The following ESRRG variants were observed in gnomAD, a reference collection of about 807,000 sequenced individuals.
ESRRG encodes estrogen related receptor gamma.
A neutral mutation model predicts 44.0 loss-of-function variants in ESRRG; 13 were observed. The observed-to-expected ratio is 0.30, with a 90% CI of 0.19 to 0.47. ESRRG has a LOEUF of 0.47. Among genes scored for constraint, ESRRG ranks in the 20% least tolerant of loss-of-function variants. The pLI, the probability that ESRRG is intolerant of heterozygous loss-of-function variation, is 1.00. For synonymous variants in ESRRG, 215 were observed against 214.6 expected (o/e 1.00, Z -0.02); for missense variants, 395 against 580.6 (o/e 0.68, Z 3.29).
intron 1 of ESRRG, among the ~76,000 whole-genome samples, chr1:216,977,916 T>A (rs2150358984): frequency 6.6e-6 from 1 of 152,258 alleles, no homozygotes; most frequent in East Asian, 1.9e-4. Context: ...TTTGGTCCAA[T>A]TTCCCCTTGC....
At chr1:216,919,404 C>A (rs1027459840) in intron 2 of ESRRG, among the ~76,000 whole-genome samples, 1 of 152,112 alleles carries the variant, frequency 6.6e-6, no homozygotes, top group African/African-American at 2.4e-5. Context: ...TGAGAAACAT[C>A]ATATTTCAAA....
intron 3 of ESRRG, among the ~76,000 whole-genome samples, chr1:216,634,520 C>T (rs566667461): frequency 9.9e-5 from 15 of 152,130 alleles, no homozygotes; most frequent in African/African-American, 3.4e-4. Context: ...AGAGAAAAAA[C>T]TCAAACAATT....
At chr1:216,850,836 C>T (rs11117703) in intron 2 of ESRRG, among the ~76,000 whole-genome samples, 5,092 of 151,632 alleles carry the variant, frequency 0.034, 300 homozygotes, top group African/African-American at 0.11. Flanking sequence ...CAAGAATGAA[C>T]GGGACAAAAG....
chr1:217,120,308 T>C (rs1580626424), intron 1 of ESRRG, among the ~76,000 whole-genome samples: 1 of 152,282 alleles, frequency 6.6e-6, no homozygotes, highest in East Asian at 1.9e-4. Flanking sequence ...AAATATTTTA[T>C]TTCATACCTA....
chr1:216,753,321 A>G (rs1435632946), intron 2 of ESRRG, among the ~76,000 whole-genome samples: 2 of 152,210 alleles, frequency 1.3e-5, no homozygotes, highest in Non-Finnish European at 2.9e-5. Context: ...TGACAATTCA[A>G]TTGGATGCTT....
At chr1:216,649,044 T>C (rs1487266398) in intron 3 of ESRRG, among the ~76,000 whole-genome samples, 4 of 152,146 alleles carry the variant, frequency 2.6e-5, no homozygotes, top group Non-Finnish European at 4.4e-5. Context: ...AGAGCTCCAC[T>C]TCACAAACGT....
chr1:216,849,856 C>T (rs2095815008), intron 2 of ESRRG, among the ~76,000 whole-genome samples: 1 of 152,078 alleles, frequency 6.6e-6, no homozygotes. Flanking sequence ...CAGACCATGT[C>T]TTGGGTTAAA....
chr1:216,905,180 C>T (rs2059549483), intron 2 of ESRRG, among the ~76,000 whole-genome samples: 2 of 152,194 alleles, frequency 1.3e-5, no homozygotes, highest in Admixed American at 1.3e-4. Flanking sequence ...CTGCCCATCA[C>T]ACACAGAATG....
chr1:216,555,550 AC>A (rs1376008669), intron 5 of ESRRG, among the ~76,000 whole-genome samples: 2 of 147,522 alleles, frequency 1.4e-5, no homozygotes, highest in African/African-American at 4.9e-5. Flanking sequence ...AAAAAAAAAA[AC>A]CTGAATAGTT....
At chr1:216,862,412 A>T (rs1420335393) in intron 2 of ESRRG, 1 of 151,988 alleles carries the variant, frequency 6.6e-6, no homozygotes, top group Non-Finnish European at 1.5e-5. Context: ...TTTAGTAGAG[A>T]TGGGGTTTCA....
chr1:217,098,491 C>T (rs1000166647), intron 1 of ESRRG, among the ~76,000 whole-genome samples: 12 of 152,120 alleles, frequency 7.9e-5, no homozygotes, highest in East Asian at 5.8e-4. Flanking sequence ...TACTGAGATC[C>T]GGGATTCCAG....
At chr1:216,533,355 G>A (rs894413712) in intron 5 of ESRRG, among the ~76,000 whole-genome samples, 2 of 152,206 alleles carry the variant, frequency 1.3e-5, no homozygotes, top group Admixed American at 1.3e-4. Flanking sequence ...CTTTGGGGAT[G>A]CCTGTCAAAA....
chr1:216,846,208 A>G (rs1446016066), intron 2 of ESRRG, among the ~76,000 whole-genome samples: 1 of 152,080 alleles, frequency 6.6e-6, no homozygotes, highest in East Asian at 1.9e-4. Context: ...TCCCCCACTT[A>G]TTATATTGTG....
chr1:217,012,664 C>T (rs934450308), intron 1 of ESRRG, among the ~76,000 whole-genome samples: 2 of 152,226 alleles, frequency 1.3e-5, no homozygotes, highest in African/African-American at 2.4e-5. Context: ...CCTCTCCCCA[C>T]TGGCCTCCCA....
At chr1:217,029,348 T>C (rs986606300) in intron 1 of ESRRG, among the ~76,000 whole-genome samples, 11 of 151,938 alleles carry the variant, frequency 7.2e-5, no homozygotes, top group African/African-American at 2.4e-4. Flanking sequence ...AAACCGACCG[T>C]AAGGGAAGAA....
At chr1:216,525,314 T>C (rs2047313632) in intron 5 of ESRRG, among the ~76,000 whole-genome samples, 1 of 151,946 alleles carries the variant, frequency 6.6e-6, no homozygotes, top group Admixed American at 6.6e-5. Context: ...CTACACGGAG[T>C]GTGCAGTTCC....
Position 216,528,746 on chromosome 1 carries a change from T to C in ESRRG, c.863-9325A>G, listed in dbSNP as rs11572808. 2.2e-3 allele frequency among the ~76,000 whole-genome samples: 328 copies of C among 152,254 alleles called. 2 individuals are homozygous for C. The highest frequency in any genetic ancestry group is 7.7e-3 in the African/African-American group (322 of 41,558). ...AAAAACTTGCAAGAAGATTGAGAAA[T>C]CCTGGCATTTTATCATTATGGGCTG... is the stretch of plus-strand genomic sequence containing the variant. On this transcript the variant is annotated intron_variant, in intron 5 of 6. Transcript: ENST00000408911.
chr1:216,985,291 T>C (rs1379300418), intron 1 of ESRRG, among the ~76,000 whole-genome samples: 1 of 152,190 alleles, frequency 6.6e-6, no homozygotes, highest in Non-Finnish European at 1.5e-5. Context: ...AGGAATTCTT[T>C]AGCCAGAAGA....
chr1:216,965,696 A>C (rs1338639587), intron 1 of ESRRG, among the ~76,000 whole-genome samples: 1 of 152,174 alleles, frequency 6.6e-6, no homozygotes, highest in East Asian at 1.9e-4. Context: ...TATTAAAGGG[A>C]TATGAATGTG....
Sources: gnomAD v4.1 joint callset for allele counts (sites outside exome capture counted in the v4.1 genomes callset) on GRCh38, gnomAD v4.1.1 for gene constraint, MANE v1.5 for transcripts, NCBI Gene and HGNC (gene_info 2026-07-23, HGNC 2026-07-21) for gene names.